The following GALNTL6 variants were observed in gnomAD, a reference collection of about 807,000 sequenced individuals.
The protein encoded by GALNTL6 is polypeptide N-acetylgalactosaminyltransferase-like 6.
GALNTL6 carries 46 observed loss-of-function variants against 73.7 expected under a neutral mutation model. The observed-to-expected ratio is 0.62, with a 90% CI of 0.49 to 0.80. The LOEUF (loss-of-function observed/expected upper bound fraction) is 0.80. Among genes scored for constraint, GALNTL6 ranks in the 30% least tolerant of loss-of-function variants. GALNTL6 has a pLI of 0.00. For synonymous variants in GALNTL6, 259 were observed against 263.7 expected (o/e 0.98, Z 0.17); for missense variants, 604 against 755.0 (o/e 0.80, Z 2.34).
intron 5 of GALNTL6, among the ~76,000 whole-genome samples, chr4:172,695,822 G>A (rs527326444): frequency 8.6e-5 from 13 of 151,854 alleles, no homozygotes; most frequent in Non-Finnish European, 1.6e-4. Flanking sequence ...GCATGGTGGC[G>A]GGCACCTGTA....
intron 2 of GALNTL6, among the ~76,000 whole-genome samples, chr4:171,914,700 G>A (rs1028775373): frequency 1.0e-4 from 15 of 150,324 alleles, no homozygotes; most frequent in African/African-American, 3.4e-4. Context: ...ACAGGCATAA[G>A]CCACCATGGC....
chr4:172,752,440 T>TAAATAGTAGTC lies in GALNTL6; in HGVS notation c.554-56913_554-56912insGTCAAATAGTA, dbSNP rs1173089549. On this transcript the variant is annotated intron_variant, in intron 5 of 12. Transcript: ENST00000506823. Reference sequence around the variant, plus strand: ...TTTGCACTTCAAATTTACTTGACATTAAATAGTAAATGTTATCTCACATAG... The same window carrying TAAATAGTAGTC: ...TTTGCACTTCAAATTTACTTGACATTAAATAGTAGTCAAATAGTAAATGTTATCTCACATAG... Among the ~76,000 whole-genome samples, 4 of 152,140 alleles carry TAAATAGTAGTC rather than the reference T, an allele frequency of 2.6e-5. No individual in the cohort carries two copies. The East Asian group carries it at 7.7e-4, about 29-fold the overall frequency.
intron 5 of GALNTL6, among the ~76,000 whole-genome samples, chr4:172,359,364 G>A (rs1227812994): frequency 1.3e-5 from 2 of 152,106 alleles, no homozygotes; most frequent in East Asian, 3.9e-4. Context: ...AGGGTGAAGG[G>A]TGGGAGGAGG....
intron 2 of GALNTL6, among the ~76,000 whole-genome samples, chr4:172,027,509 C>T (rs1330046883): frequency 6.6e-6 from 1 of 152,104 alleles, no homozygotes; most frequent in Non-Finnish European, 1.5e-5. Flanking sequence ...GATCCACTCA[C>T]TGGCCATTCC....
chr4:172,415,231 T>A (rs764343454), intron 5 of GALNTL6, among the ~76,000 whole-genome samples: 1 of 152,242 alleles, frequency 6.6e-6, no homozygotes, highest in African/African-American at 2.4e-5. Context: ...ATGACTCAAC[T>A]GCTAAGGCAA....
At chr4:172,926,388 A>T (rs1579663657) in intron 8 of GALNTL6, among the ~76,000 whole-genome samples, 1 of 152,238 alleles carries the variant, frequency 6.6e-6, no homozygotes, top group African/African-American at 2.4e-5. Context: ...ATAATGATTT[A>T]TTGAACTTTC....
intron 11 of GALNTL6, among the ~76,000 whole-genome samples, chr4:173,018,216 G>A (rs1054160103): frequency 3.9e-5 from 6 of 152,122 alleles, no homozygotes; most frequent in Admixed American, 6.5e-5. Context: ...AGGTTTATTC[G>A]CCAGGAAATT....
chr4:172,300,827 A>G (rs944439523), intron 3 of GALNTL6, among the ~76,000 whole-genome samples: 44 of 152,042 alleles, frequency 2.9e-4, no homozygotes, highest in Non-Finnish European at 5.3e-4. Context: ...AACTTTGGTG[A>G]ATCTGACAAT....
chr4:171,945,346 G>T (rs1440756428), intron 2 of GALNTL6, among the ~76,000 whole-genome samples: 1 of 152,032 alleles, frequency 6.6e-6, no homozygotes, highest in East Asian at 1.9e-4. Flanking sequence ...ATTATGACCT[G>T]TTTAGAATTC....
intron 2 of GALNTL6, among the ~76,000 whole-genome samples, chr4:172,208,054 A>G (rs1217371098): frequency 1.3e-5 from 2 of 152,194 alleles, no homozygotes; most frequent in African/African-American, 4.8e-5. Context: ...ATATTTAGAC[A>G]GTAGAATTGT....
intron 5 of GALNTL6, among the ~76,000 whole-genome samples, chr4:172,607,291 C>G (rs1738340154): frequency 6.6e-6 from 1 of 152,138 alleles, no homozygotes; most frequent in Non-Finnish European, 1.5e-5. Context: ...CCTCACCTTC[C>G]TCCAACCTCC....
At chr4:172,807,848 A>C (rs1653025873) in intron 5 of GALNTL6, among the ~76,000 whole-genome samples, 1 of 152,154 alleles carries the variant, frequency 6.6e-6, no homozygotes, top group African/African-American at 2.4e-5. Flanking sequence ...TCGGAGACAC[A>C]GTCTCACTCT....
chr4:171,868,860 T>C (rs1164190300), intron 2 of GALNTL6, among the ~76,000 whole-genome samples: 1 of 152,152 alleles, frequency 6.6e-6, no homozygotes, highest in Admixed American at 6.5e-5. Context: ...TTTGTATTTT[T>C]AGTAGAGACA....
chr4:172,091,114 T>G lies in GALNTL6; in HGVS notation c.139-138542T>G, dbSNP rs188955101. On this transcript the variant is annotated intron_variant, in intron 2 of 12. Coordinates refer to ENST00000506823, the MANE Select transcript of GALNTL6 (RefSeq NM_001034845.3). ...GCTACAGTAATTACAAGTTTCTTTT[T>G]TTTCTGAAACAATTTTTCTCTCTCT... Among the ~76,000 whole-genome samples the G allele has an allele frequency of 3.6e-3, 546 of 152,234 alleles. 2 individuals are homozygous for G. Among genetic ancestry groups the G allele is most frequent in the Non-Finnish European group, 5.9e-3 (402 of 68,008 alleles).
Position 172,788,872 on chromosome 4 carries a change from A to T in GALNTL6, c.554-20489A>T, listed in dbSNP as rs1579483929. 3.9e-5 allele frequency among the ~76,000 whole-genome samples: 6 copies of T among 152,240 alleles called. No homozygotes were observed. The South Asian group carries it at 1.2e-3, about 32-fold the overall frequency. ...TAGGACTAGATAAGTGTGAGTATAG[A>T]TGAAAACCATTTTGTTGATAGGGAA... On this transcript the variant is annotated intron_variant, in intron 5 of 12. Transcript: ENST00000506823.
rs5864170 is a variant in GALNTL6, at chr4:172,809,912, TACACACACACACAC to T, written c.739+392_739+405del. On this transcript the variant is annotated intron_variant, in intron 6 of 12. Coordinates refer to ENST00000506823, the MANE Select transcript of GALNTL6 (RefSeq NM_001034845.3). The surrounding 1 kb of genome is among the most constrained non-coding windows in gnomAD (Gnocchi z 4.4). ...TCCTGTAGCTACAGCAAGATTAAAATACACACACACACACACACACACACACACACACACACACA... is the reference window on the plus strand; with the variant it reads ...TCCTGTAGCTACAGCAAGATTAAAATACACACACACACACACACACACACA... Among the ~76,000 whole-genome samples, 24 of 141,240 alleles carry T rather than the reference TACACACACACACAC, an allele frequency of 1.7e-4. 1 individual carries two copies. Among genetic ancestry groups the T allele is most frequent in the Middle Eastern group, 3.5e-3 (1 of 284 alleles). 92.7% of individuals were successfully genotyped at this position (141,240 alleles called of 152,430 possible).
intron 12 of GALNTL6, among the ~76,000 whole-genome samples, chr4:173,037,816 C>T (rs1419689792): frequency 6.6e-6 from 1 of 151,770 alleles, no homozygotes; most frequent in Non-Finnish European, 1.5e-5. Context: ...GATCTCGGCT[C>T]ACTGCAACCT....
At chr4:172,481,296 G>GA (rs1296409988) in intron 5 of GALNTL6, among the ~76,000 whole-genome samples, 2 of 151,274 alleles carry the variant, frequency 1.3e-5, no homozygotes, top group Non-Finnish European at 3.0e-5. Context: ...CCTCAGGAGT[G>GA]AAGCTGCAGA....
intron 5 of GALNTL6, among the ~76,000 whole-genome samples, chr4:172,705,219 T>TG (rs199961864): frequency 2.6e-5 from 4 of 151,164 alleles, no homozygotes; most frequent in South Asian, 2.1e-4. Flanking sequence ...TGCTATTTTT[T>TG]TTTTGTTTTA....
Sources: allele counts gnomAD v4.1 joint callset (sites outside exome capture counted in the v4.1 genomes callset), GRCh38; gene constraint gnomAD v4.1.1; non-coding constraint Gnocchi (gnomAD v3.1); transcripts MANE v1.5; gene names NCBI Gene and HGNC (gene_info 2026-07-23, HGNC 2026-07-21).